The following ATF3 variants were observed in gnomAD, a reference collection of about 807,000 sequenced individuals.
The protein encoded by ATF3 is cyclic AMP-dependent transcription factor ATF-3.
In ATF3, 10 loss-of-function variants were observed where a neutral mutation model predicts 18.4. That is an observed-to-expected ratio of 0.54 (90% CI 0.34 to 0.92). The LOEUF is 0.92. Ranked by LOEUF, ATF3 falls within the 40% of genes least tolerant of loss-of-function variation. ATF3 has a pLI of 0.02. For missense variants in ATF3, 183 were observed against 222.3 expected (o/e 0.82, Z 1.12); for synonymous variants, 78 against 87.9 (o/e 0.89, Z 0.63).
chr1:212,583,443 G>T (rs981861566), intron 1 of ATF3, among the ~76,000 whole-genome samples: 2 of 152,184 alleles, frequency 1.3e-5, no homozygotes, highest in Non-Finnish European at 2.9e-5. Flanking sequence ...GTTTAGCAAA[G>T]GGACTATTAA....
intron 1 of ATF3, among the ~76,000 whole-genome samples, chr1:212,566,489 C>G (rs1427553870): frequency 6.6e-6 from 1 of 152,072 alleles, no homozygotes; most frequent in Non-Finnish European, 1.5e-5. Flanking sequence ...GGATGTAAAG[C>G]AACACCCTGA....
At chr1:212,604,998 C>A (rs986297549), upstream of ATF3, among the ~76,000 whole-genome samples, 1 of 152,062 alleles carries the variant, frequency 6.6e-6, no homozygotes, top group African/African-American at 2.4e-5. Context: ...TCCTGGAGAT[C>A]GCTTGACTTC....
intron 1 of ATF3, among the ~76,000 whole-genome samples, chr1:212,584,955 T>A (rs1664750786): frequency 6.6e-6 from 1 of 152,166 alleles, no homozygotes; most frequent in Non-Finnish European, 1.5e-5. Flanking sequence ...GAAATCTGCA[T>A]GGTAAACACA....
rs2229346 is a variant in ATF3, at chr1:212,615,225, C to T, written c.204C>T (p.Ser68=). 0.036 allele frequency: 58,038 copies of T among 1,614,084 alleles called. 3,983 individuals are homozygous for T. Among genetic ancestry groups the T allele is most frequent in the Admixed American group, 0.3 (17,730 of 59,998 alleles). ...CTGCGCTGGAATCAGTCACTGTCAGCGACAGACCCCTCGGGGTGTCCATCA... is the reference window on the plus strand; with the variant it reads ...CTGCGCTGGAATCAGTCACTGTCAGTGACAGACCCCTCGGGGTGTCCATCA... ...MSSALESVTV[S]DRPLGVSITK... is the part of the protein sequence containing the mutation. The change falls in exon 2 of 4, where the codon AGC becomes AGT. Residue 68 remains serine, a synonymous_variant. Coordinates refer to ENST00000341491, the MANE Select transcript of ATF3 (RefSeq NM_001674.4).
At position 212,620,654 on chromosome 1, in the gene ATF3, TCA is replaced by T. The variant is rs935074053; in HGVS notation, c.*1100_*1101del. On this transcript the variant is annotated 3_prime_UTR_variant, in exon 4 of 4. Transcript: ENST00000341491. ...AAATTCTGATGTTTCTGTGAAATTC[TCA>T]GAGTGTTTAATTGTACTCAATGGTA... is the stretch of plus-strand genomic sequence containing the variant. The T allele has an allele frequency of 4.6e-5, 7 of 152,682 alleles. No individual in the cohort carries two copies. The highest frequency in any genetic ancestry group is 1.0e-4 in the Non-Finnish European group (7 of 68,046). The allele number at this position is 152,682 out of a possible 1,614,324, so 9.5% of individuals were successfully genotyped here.
intron 1 of ATF3, among the ~76,000 whole-genome samples, chr1:212,588,089 G>A (rs1049954191): frequency 5.3e-5 from 8 of 152,060 alleles, no homozygotes; most frequent in Admixed American, 1.3e-4. Flanking sequence ...ACTCAATTTT[G>A]CTTTCCTCGG....
chr1:212,593,662 G>T (rs1342174020), intron 1 of ATF3, among the ~76,000 whole-genome samples: 3 of 150,060 alleles, frequency 2.0e-5, no homozygotes, highest in Non-Finnish European at 4.4e-5. Flanking sequence ...GATCACTTGA[G>T]CCCAGGGGAT....
At chr1:212,598,599 T>G (rs1654388757) in intron 1 of ATF3, among the ~76,000 whole-genome samples, 1 of 152,200 alleles carries the variant, frequency 6.6e-6, no homozygotes, top group African/African-American at 2.4e-5. Flanking sequence ...CATCCTCACC[T>G]TCCCCCACCC....
At chr1:212,584,555 C>G (rs1223774575) in intron 1 of ATF3, among the ~76,000 whole-genome samples, 8 of 152,084 alleles carry the variant, frequency 5.3e-5, no homozygotes, top group Admixed American at 5.2e-4. Flanking sequence ...TTTTTGCTGT[C>G]TTCAGGACTT....
At chr1:212,575,463 A>G (rs1664561325) in intron 1 of ATF3, among the ~76,000 whole-genome samples, 1 of 152,140 alleles carries the variant, frequency 6.6e-6, no homozygotes, top group African/African-American at 2.4e-5. Context: ...TATGTAGACA[A>G]TCACATTTTC....
chr1:212,581,670 T>C (rs560373279), intron 1 of ATF3, among the ~76,000 whole-genome samples: 3 of 152,240 alleles, frequency 2.0e-5, no homozygotes, highest in Admixed American at 6.5e-5. Flanking sequence ...ATGCAAACCA[T>C]ACAATGGTGA....
chr1:212,581,504 G>A (rs1385569722), intron 1 of ATF3, among the ~76,000 whole-genome samples: 1 of 152,178 alleles, frequency 6.6e-6, no homozygotes, highest in Non-Finnish European at 1.5e-5. Flanking sequence ...GACGTTGTTT[G>A]TGTCAATGGA....
chr1:212,617,091 C>A (rs1164041696), intron 2 of ATF3, among the ~76,000 whole-genome samples: 1 of 152,174 alleles, frequency 6.6e-6, no homozygotes, highest in Admixed American at 6.5e-5. Context: ...ATGAGGCCAC[C>A]TTCTGTGTCC....
chr1:212,594,332 TA>T (rs1664949243), intron 1 of ATF3, among the ~76,000 whole-genome samples: 1 of 152,220 alleles, frequency 6.6e-6, no homozygotes, highest in Non-Finnish European at 1.5e-5. Context: ...TGGGATTCAT[TA>T]TTTTTCTTTT....
chr1:212,615,407 G>A (rs978609682), intron 2 of ATF3, 146 bp downstream of exon 2: 2 of 1,035,216 alleles, frequency 1.9e-6, no homozygotes, highest in African/African-American at 3.2e-5. Context: ...CTCCTGGGAG[G>A]AGACAGAAGT....
chr1:212,619,079 A>C lies in ATF3; in HGVS notation c.349-279A>C. On this transcript the variant is annotated intron_variant, in intron 3 of 3. Transcript: ENST00000341491. The surrounding 1 kb of genome is among the most constrained non-coding windows in gnomAD (Gnocchi z 4.4). ...GCCCTTTTGGGTCCAGAAGACCTGC[A>C]TATGGGCTGTTGACTCATGCAAATG... 6.2e-7 allele frequency: 1 copy of C among 1,614,228 alleles called. No homozygotes were observed. The highest frequency in any genetic ancestry group is 8.5e-7 in the Non-Finnish European group (1 of 1,180,040).
chr1:212,619,205 C>A lies in ATF3; in HGVS notation c.349-153C>A, dbSNP rs1037999839. ...AAGAGGGTCTGCATTTTCCTAAACC[C>A]AGTGCTGCTCTCCCATCTCCCATCT... On this transcript the variant is annotated intron_variant, in intron 3 of 3. Coordinates refer to ENST00000341491, the MANE Select transcript of ATF3 (RefSeq NM_001674.4). The surrounding 1 kb of genome is among the most constrained non-coding windows in gnomAD (Gnocchi z 4.4). 11 of 1,610,680 alleles carry A rather than the reference C, an allele frequency of 6.8e-6. No homozygotes were observed. Among genetic ancestry groups the A allele is most frequent in the Non-Finnish European group, 8.5e-6 (10 of 1,179,280 alleles).
intron 1 of ATF3, among the ~76,000 whole-genome samples, chr1:212,596,568 T>C (rs1314870311): frequency 6.6e-6 from 1 of 152,262 alleles, no homozygotes; most frequent in East Asian, 1.9e-4. Flanking sequence ...TGGTTCTACA[T>C]GTCAGGACAT....
chr1:212,592,263 T>C (rs1571770178), intron 1 of ATF3, among the ~76,000 whole-genome samples: 1 of 152,356 alleles, frequency 6.6e-6, no homozygotes, highest in East Asian at 1.9e-4. Context: ...TTTAAAAATC[T>C]GGTTTATTTC....
Sources: gnomAD v4.1 joint callset for allele counts (sites outside exome capture counted in the v4.1 genomes callset) on GRCh38, gnomAD v4.1.1 for gene constraint, Gnocchi (gnomAD v3.1) non-coding constraint, MANE v1.5 for transcripts, NCBI Gene and HGNC (gene_info 2026-07-23, HGNC 2026-07-21) for gene names.